Variants in HS1BP3 observed in about 807,000 individuals in gnomAD.
The protein encoded by HS1BP3 is HCLS1 binding protein 3, also known as HCLS1-binding protein 3.
HS1BP3 carries 32 observed loss-of-function variants against 33.5 expected under a neutral mutation model. The ratio of observed to expected loss-of-function variants is 0.95; its 90% CI spans 0.72 to 1.28. HS1BP3 has a LOEUF of 1.28. HS1BP3 is among the 50% of genes most tolerant of loss of function. The probability of loss-of-function intolerance (pLI) is 0.00; values close to 1 mark genes in which losing one functional copy is unlikely to be tolerated. For missense variants in HS1BP3, 486 were observed against 502.3 expected (o/e 0.97, Z 0.31); for synonymous variants, 187 against 209.2 (o/e 0.89, Z 0.92).
intron 1 of HS1BP3, among the ~76,000 whole-genome samples, chr2:20,646,453 C>T (rs925359736): frequency 7.2e-5 from 11 of 152,242 alleles, no homozygotes; most frequent in Non-Finnish European, 1.5e-4. Context: ...TCCTCCCACA[C>T]GGACCCCTCA....
chr2:20,594,759 G>A (rs1009876786), intron 3 of HS1BP3, among the ~76,000 whole-genome samples: 3 of 152,212 alleles, frequency 2.0e-5, no homozygotes, highest in African/African-American at 7.2e-5. Context: ...GAGGCTGAAA[G>A]TTCCAGATCA....
At chr2:20,586,264 T>A (rs553535438) in intron 5 of HS1BP3, 8 of 152,216 alleles carry the variant, frequency 5.3e-5, no homozygotes, top group Non-Finnish European at 8.8e-5. Flanking sequence ...ACAATGTTTT[T>A]ATTTTTTTGG....
chr2:20,599,609 A>AACACACACACACACAC (rs59149167), intron 2 of HS1BP3, among the ~76,000 whole-genome samples: 1 of 136,220 alleles, frequency 7.3e-6, no homozygotes. Context: ...CTTCTTGTGT[A>AACACACACACACACAC]ACACACACAC....
At chr2:20,630,812 G>A (rs1028321690) in intron 4 of HS1BP3, among the ~76,000 whole-genome samples, 1 of 152,186 alleles carries the variant, frequency 6.6e-6, no homozygotes, top group East Asian at 1.9e-4. Flanking sequence ...CGGGCAGAGA[G>A]AAGAGCCCAT....
rs1695681584 is a variant in HS1BP3, at chr2:20,651,050, G to T, written c.14C>A (p.Ala5Glu). The T allele has an allele frequency of 1.6e-6, 2 of 1,238,668 alleles. No homozygotes were observed. Among genetic ancestry groups the T allele is most frequent in the Non-Finnish European group, 2.0e-6 (2 of 991,870 alleles). 76.7% of individuals were successfully genotyped at this position (1,238,668 alleles called of 1,614,324 possible). A position where few individuals can be genotyped will look rare whatever the true frequency, so the allele number is the denominator to read the frequency against. The change falls in exon 1 of 7, where the codon GCG (alanine) becomes GAG (glutamate). Residue 5 changes from alanine to glutamate, a missense_variant. By Grantham distance (107) the Ala-to-Glu change is moderately radical. Transcript: ENST00000304031. MQSP[A>E]VLVTSRRLQN... ...GGCTCACCTGGAGGTGACGAGCACC[G>T]CCGGGGACTGCATGACGGCGGCGGG...
downstream of HS1BP3, among the ~76,000 whole-genome samples, chr2:20,589,406 T>C (rs1000259304): frequency 3.9e-5 from 6 of 152,336 alleles, no homozygotes; most frequent in Middle Eastern, 3.4e-3. Context: ...AGGCCGAGCT[T>C]TCCTGGGGCT....
intron 4 of HS1BP3, chr2:20,636,391 A>C (rs970199087): frequency 6.6e-6 from 1 of 152,216 alleles, no homozygotes; most frequent in Non-Finnish European, 1.5e-5. Context: ...GGCCCTGCCC[A>C]CCTCCCAGGC....
downstream of HS1BP3, among the ~76,000 whole-genome samples, chr2:20,556,945 G>T (rs10207072): frequency 6.6e-6 from 1 of 152,128 alleles, no homozygotes; most frequent in Admixed American, 6.5e-5. Context: ...CCGCAGCTGG[G>T]ATTTCCTTTC....
chr2:20,581,561 G>A (rs991782566), intron 5 of HS1BP3, among the ~76,000 whole-genome samples: 2 of 152,106 alleles, frequency 1.3e-5, no homozygotes, highest in African/African-American at 4.8e-5. Flanking sequence ...TGTTGCCCAG[G>A]CTGGTCTCAA....
At chr2:20,601,498 C>T (rs1463919852) in intron 2 of HS1BP3, among the ~76,000 whole-genome samples, 1 of 152,140 alleles carries the variant, frequency 6.6e-6, no homozygotes, top group Non-Finnish European at 1.5e-5. Flanking sequence ...CCATAATTCC[C>T]ACATGCTGTG....
In HS1BP3 at chr2:20,622,304, C is replaced by G. The variant is rs1328865949; in HGVS notation, c.920+1592G>C. On this transcript the variant is annotated intron_variant, in intron 6 of 6. Transcript: ENST00000304031. ...CAAGAAGCTAATCCCAGTGTTACGG[C>G]TCTTTTTGAATTTGTCTGAATTTAA... The G allele has an allele frequency of 6.1e-6, 8 of 1,304,698 alleles. No homozygotes were observed. The Admixed American group carries it at 1.8e-4, about 30-fold the overall frequency. 80.8% of individuals were successfully genotyped at this position (1,304,698 alleles called of 1,614,324 possible).
chr2:20,623,836 C>T (rs1177997801), intron 6 of HS1BP3, 60 bp downstream of exon 6: 1 of 1,538,504 alleles, frequency 6.5e-7, no homozygotes, highest in Non-Finnish European at 8.7e-7. Flanking sequence ...TGAGCCGGGC[C>T]CTTGGCTCTG....
chr2:20,621,624 A>G (rs1242600978), intron 6 of HS1BP3, among the ~76,000 whole-genome samples: 2 of 152,254 alleles, frequency 1.3e-5, no homozygotes, highest in African/African-American at 2.4e-5. Context: ...GGTACCTGGG[A>G]AAAGCTCAAA....
At chr2:20,592,605 G>A (rs182744404), downstream of HS1BP3, 1 of 155,362 alleles carries the variant, frequency 6.4e-6, no homozygotes, top group Admixed American at 6.5e-5. Context: ...GGCTTGAAAA[G>A]TCTCCTCTCA....
At chr2:20,566,967 C>A (rs1043770999) in intron 5 of HS1BP3, among the ~76,000 whole-genome samples, 4 of 152,062 alleles carry the variant, frequency 2.6e-5, no homozygotes, top group Non-Finnish European at 4.4e-5. Context: ...AGCCCCTGAA[C>A]CCCTGAGAAC....
At chr2:20,616,252 C>T (rs34216303), downstream of HS1BP3, among the ~76,000 whole-genome samples, 36,039 of 152,186 alleles carry the variant, frequency 0.24, 5,067 homozygotes, top group Non-Finnish European at 0.32. Flanking sequence ...AGCTACAAGA[C>T]TCCAACCAAA....
chr2:20,635,053 G>C (rs1048917754), intron 4 of HS1BP3: 5 of 151,388 alleles, frequency 3.3e-5, no homozygotes, highest in African/African-American at 1.2e-4. Flanking sequence ...GCGGGGGTGG[G>C]CAGGGCTTAG....
chr2:20,571,492 A>G lies in HS1BP3; in HGVS notation c.303-10977T>C, dbSNP rs200799280. Among the ~76,000 whole-genome samples, 10 of 152,282 alleles carry G rather than the reference A, an allele frequency of 6.6e-5. No individual in the cohort carries two copies. In the East Asian group the frequency reaches 1.9e-3, roughly 29 times the overall value. On this transcript the variant is annotated intron_variant, in intron 5 of 5. Coordinates refer to the HS1BP3 transcript ENST00000446825. ...TGTGTCCTTTTTCCTGTGCCTCGGC[A>G]TTTCCAACTTTATTGCCCTGGTTCC...
intron 5 of HS1BP3, among the ~76,000 whole-genome samples, chr2:20,583,891 T>C (rs73919920): frequency 0.042 from 6,409 of 152,204 alleles, 432 homozygotes; most frequent in African/African-American, 0.14. Flanking sequence ...CTGGCCAGCA[T>C]AGCACCTGCA....
Sources: allele counts gnomAD v4.1 joint callset (sites outside exome capture counted in the v4.1 genomes callset), GRCh38; gene constraint gnomAD v4.1.1; transcripts MANE v1.5; gene names NCBI Gene and HGNC (gene_info 2026-07-23, HGNC 2026-07-21).